The following POLR3B variants were observed in gnomAD, a reference collection of about 807,000 sequenced individuals.
The protein encoded by POLR3B is RNA polymerase III subunit B.
Under a neutral mutation model 147.4 loss-of-function variants are expected in POLR3B, and 96 were observed. That is an observed-to-expected ratio of 0.65 (90% CI 0.55 to 0.77). The LOEUF (loss-of-function observed/expected upper bound fraction) is 0.77, where lower values mean the gene tolerates loss of function less well. Ranked by LOEUF, POLR3B falls within the 30% of genes least tolerant of loss-of-function variation. POLR3B has a pLI of 0.00. For synonymous variants in POLR3B, 461 were observed against 485.9 expected, an observed-to-expected ratio of 0.95 and a Z score of 0.67; for missense variants, 1,036 against 1,413.5, an observed-to-expected ratio of 0.73 and a Z score of 4.28.
chr12:106,446,165 T>C (rs1457303044), intron 19 of POLR3B: 2 of 450,078 alleles, frequency 4.4e-6, no homozygotes, highest in Non-Finnish European at 8.9e-6. Context: ...GAAAGGGCTA[T>C]CACTTCTATT....
intron 12 of POLR3B, among the ~76,000 whole-genome samples, chr12:106,426,222 TTGTG>T (rs35090518): frequency 0.053 from 6,984 of 131,114 alleles, 220 homozygotes; most frequent in African/African-American, 0.09. Flanking sequence ...GGCCTGCAAT[TTGTG>T]TGTGTGTGTG....
In POLR3B at chr12:106,504,123, C is replaced by T. The variant is rs776391361; in HGVS notation, c.3141C>T (p.Leu1047=). 31 of 1,613,962 alleles carry T rather than the reference C, an allele frequency of 1.9e-5. No individual in the cohort carries two copies. The highest frequency in any genetic ancestry group is 1.5e-5 in the Non-Finnish European group (18 of 1,179,996). Reference sequence around the variant, plus strand: ...GGTCTCGTGATGGTGGCTTGCGTCTCGGGGAAATGGAACGTGACTGTTTAA... The same window carrying T: ...GGTCTCGTGATGGTGGCTTGCGTCTTGGGGAAATGGAACGTGACTGTTTAA... ...EGRSRDGGLR[L]GEMERDCLIG... The change falls in exon 27 of 28, where the codon CTC becomes CTT. Residue 1047 remains leucine (L), a synonymous_variant. Transcript: ENST00000228347. The surrounding 1 kb of genome is among the most constrained non-coding windows in gnomAD (Gnocchi z 4.6).
intron 10 of POLR3B, among the ~76,000 whole-genome samples, chr12:106,395,037 C>T (rs1299943553): frequency 6.6e-6 from 1 of 152,090 alleles, no homozygotes; most frequent in Non-Finnish European, 1.5e-5. Flanking sequence ...CCGAATCAGC[C>T]TGGACCACAT....
chr12:106,501,326 G>A lies in POLR3B; in HGVS notation c.2988G>A (p.Glu996=), dbSNP rs144485339. The A allele has an allele frequency of 4.3e-5, 69 of 1,593,960 alleles. No homozygotes were observed. Among genetic ancestry groups the A allele is most frequent in the Non-Finnish European group, 5.3e-5 (61 of 1,161,732 alleles). ...KDYVTSGITG[E]PLEAYIYFGP... Reference sequence around the variant, plus strand: ...CAACAATTGATCTTTCTTTCAGTGAGCCCTTAGAAGCATACATCTATTTTG... The same window carrying A: ...CAACAATTGATCTTTCTTTCAGTGAACCCTTAGAAGCATACATCTATTTTG... The change falls in exon 26 of 28, where the codon GAG becomes GAA. Residue 996 remains glutamate (E), a synonymous_variant. Transcript: ENST00000228347.
intron 12 of POLR3B, among the ~76,000 whole-genome samples, chr12:106,420,411 G>T (rs920013599): frequency 6.6e-6 from 1 of 152,094 alleles, no homozygotes; most frequent in Non-Finnish European, 1.5e-5. Flanking sequence ...CAGTAAGACT[G>T]CAGGTCTTTC....
chr12:106,426,006 T>G (rs961876651), intron 12 of POLR3B, among the ~76,000 whole-genome samples: 4 of 152,144 alleles, frequency 2.6e-5, no homozygotes, highest in African/African-American at 9.7e-5. Flanking sequence ...TTTCATTGTT[T>G]TACAGTGTTT....
chr12:106,499,610 A>G lies in POLR3B; in HGVS notation c.2985-1713A>G, dbSNP rs1048596312. Among the ~76,000 whole-genome samples, 5 of 152,228 alleles carry G rather than the reference A, an allele frequency of 3.3e-5. No homozygotes were observed. In the East Asian group the frequency reaches 9.6e-4, roughly 29 times the overall value. On this transcript the variant is annotated intron_variant, in intron 25 of 27. Transcript: ENST00000228347. ...GTAACCGAGTGTCATAAATTCTACC[A>G]TGAGCAACCCTACCATTGAGGAATA...
intron 1 of POLR3B, 28 bp downstream of exon 1, chr12:106,357,979 AG>A (rs1304376328): frequency 6.2e-7 from 1 of 1,609,546 alleles, no homozygotes; most frequent in South Asian, 1.1e-5. Context: ...AGGGAGCGTC[AG>A]GGACAAGGAT....
intron 10 of POLR3B, among the ~76,000 whole-genome samples, chr12:106,400,004 G>C (rs1445603129): frequency 6.6e-6 from 1 of 152,194 alleles, no homozygotes; most frequent in African/African-American, 2.4e-5. Context: ...GAATGTAAAT[G>C]GGCTAAATGC....
chr12:106,439,577 G>A (rs1276944166), intron 18 of POLR3B, among the ~76,000 whole-genome samples: 1 of 149,822 alleles, frequency 6.7e-6, no homozygotes, highest in Non-Finnish European at 1.5e-5. Flanking sequence ...TCCAGGAGGT[G>A]GAGGCTCTGT....
At chr12:106,477,891 CTTTTTTTTTT>C (rs34915594) in intron 23 of POLR3B, among the ~76,000 whole-genome samples, 6 of 70,548 alleles carry the variant, frequency 8.5e-5, no homozygotes, top group Admixed American at 2.3e-4. Context: ...GGCTCCTCCC[CTTTTTTTTTT>C]TTTTTTTTTT....
At chr12:106,398,920 C>T (rs1181951254) in intron 10 of POLR3B, among the ~76,000 whole-genome samples, 5 of 152,172 alleles carry the variant, frequency 3.3e-5, no homozygotes, top group African/African-American at 9.7e-5. Context: ...CTAAAAATCA[C>T]AGCACCTCTC....
intron 11 of POLR3B, among the ~76,000 whole-genome samples, chr12:106,408,960 C>T (rs904277002): frequency 6.6e-6 from 1 of 152,102 alleles, no homozygotes; most frequent in South Asian, 2.1e-4. Context: ...TACCTCTAAT[C>T]GAGTGGCATT....
chr12:106,381,199 C>T (rs1049045373), intron 9 of POLR3B, among the ~76,000 whole-genome samples: 2 of 152,184 alleles, frequency 1.3e-5, no homozygotes, highest in Admixed American at 6.5e-5. Context: ...AATAAGACAT[C>T]AGTGAAGTTT....
chr12:106,494,444 C>T (rs1473789017), intron 23 of POLR3B, among the ~76,000 whole-genome samples: 2 of 152,284 alleles, frequency 1.3e-5, no homozygotes, highest in African/African-American at 4.8e-5. Flanking sequence ...CTGAACCCTC[C>T]ATCTCCTCAC....
At chr12:106,468,180 G>A (rs1194018376) in intron 23 of POLR3B, among the ~76,000 whole-genome samples, 3 of 152,106 alleles carry the variant, frequency 2.0e-5, no homozygotes, top group African/African-American at 4.8e-5. Context: ...TTTAGTCTTG[G>A]GAGGGTGTAT....
At chr12:106,508,066 T>C (rs1390565471) in intron 27 of POLR3B, among the ~76,000 whole-genome samples, 3 of 152,218 alleles carry the variant, frequency 2.0e-5, no homozygotes, top group African/African-American at 7.2e-5. Context: ...GAGGGCCCCC[T>C]TGGGACCATG....
In POLR3B at chr12:106,457,235, T is replaced by C; in HGVS notation, c.2391T>C (p.Ala797=). The change falls in exon 21 of 28, where the codon GCT becomes GCC. Residue 797 remains alanine (A), a synonymous_variant. Coordinates refer to ENST00000228347, the MANE Select transcript of POLR3B (RefSeq NM_018082.6). Reference sequence around the variant, plus strand: ...AAGTGATGGGGCCCATGTTGGATGCTGCTACAAGGAAACCTATCTGGCGAC... The same window carrying C: ...AAGTGATGGGGCCCATGTTGGATGCCGCTACAAGGAAACCTATCTGGCGAC... ...FDKVMGPMLD[A]ATRKPIWRHE... is the part of the protein sequence containing the mutation. 2.5e-6 allele frequency: 4 copies of C among 1,613,670 alleles called. No individual in the cohort carries two copies. Among genetic ancestry groups the C allele is most frequent in the Non-Finnish European group, 2.5e-6 (3 of 1,179,588 alleles).
rs11112993 is a variant in POLR3B, at chr12:106,437,505, G to A, written c.1857-176G>A. Among the ~76,000 whole-genome samples the A allele has an allele frequency of 0.34, 51,196 of 152,050 alleles. 11,484 individuals are homozygous for A. Among genetic ancestry groups the A allele is most frequent in the African/African-American group, 0.64 (26,461 of 41,440 alleles). ...ACACTTTGCTGTTTTTATTTCAGCA[G>A]TTTGTGGTTACTGTGTGAGCTAAGA... On this transcript the variant is annotated intron_variant, in intron 17 of 27. Transcript: ENST00000228347.
Sources: allele counts gnomAD v4.1 joint callset (sites outside exome capture counted in the v4.1 genomes callset), GRCh38; gene constraint gnomAD v4.1.1; non-coding constraint Gnocchi (gnomAD v3.1); transcripts MANE v1.5; gene names NCBI Gene and HGNC (gene_info 2026-07-23, HGNC 2026-07-21).